The following DSCAML1 variants were observed in gnomAD, a reference collection of about 807,000 sequenced individuals.
DSCAML1 encodes the protein cell adhesion molecule DSCAML1.
A neutral mutation model predicts 200.5 loss-of-function variants in DSCAML1; 38 were observed. That is an observed-to-expected ratio of 0.19 (90% CI 0.15 to 0.25). The LOEUF (loss-of-function observed/expected upper bound fraction) is 0.25. DSCAML1 is among the 10% of genes least tolerant of loss of function. The probability of loss-of-function intolerance (pLI) is 1.00; values close to 1 mark genes in which losing one functional copy is unlikely to be tolerated. For synonymous variants in DSCAML1, 1,215 were observed against 1,165.0 expected (o/e 1.04, Z -0.87); for missense variants, 2,223 against 2,858.8 (o/e 0.78, Z 5.07).
At chr11:117,632,503 C>T (rs1479991147) in intron 3 of DSCAML1, among the ~76,000 whole-genome samples, 2 of 152,142 alleles carry the variant, frequency 1.3e-5, no homozygotes, top group Admixed American at 6.5e-5. Flanking sequence ...AGCCTGGCCC[C>T]CCGCTCATCC....
chr11:117,559,067 A>C (rs1332163200), intron 3 of DSCAML1, among the ~76,000 whole-genome samples: 1 of 152,204 alleles, frequency 6.6e-6, no homozygotes, highest in Non-Finnish European at 1.5e-5. Context: ...GAAGTTGGGA[A>C]GGACAACAGA....
At chr11:117,565,627 G>C (rs2050743125) in intron 3 of DSCAML1, among the ~76,000 whole-genome samples, 1 of 152,192 alleles carries the variant, frequency 6.6e-6, no homozygotes, top group Non-Finnish European at 1.5e-5. Context: ...CACAGAAGGG[G>C]CTCCATGTGG....
At position 117,597,207 on chromosome 11, in the gene DSCAML1, C is replaced by T. The variant is rs1161707699; in HGVS notation, c.512-64685G>A. Among the ~76,000 whole-genome samples, 4 of 152,150 alleles carry T rather than the reference C, an allele frequency of 2.6e-5. No homozygotes were observed. In the East Asian group the frequency reaches 7.7e-4, roughly 29 times the overall value. Reference sequence around the variant, plus strand: ...GTTATTATATGGAAATTAGTTTCCACACAACAGCTGACTAGAGGGGAGCAC... The same window carrying T: ...GTTATTATATGGAAATTAGTTTCCATACAACAGCTGACTAGAGGGGAGCAC... On this transcript the variant is annotated intron_variant, in intron 3 of 32. Coordinates refer to ENST00000651296, the MANE Select transcript of DSCAML1 (RefSeq NM_020693.4).
chr11:117,708,972 A>C (rs1055946770), intron 3 of DSCAML1, among the ~76,000 whole-genome samples: 1 of 152,240 alleles, frequency 6.6e-6, no homozygotes, highest in East Asian at 1.9e-4. Context: ...CCAAGTGCAC[A>C]CACTGGCTCT....
At chr11:117,667,057 C>T (rs757731562) in intron 3 of DSCAML1, among the ~76,000 whole-genome samples, 27 of 152,162 alleles carry the variant, frequency 1.8e-4, no homozygotes, top group Non-Finnish European at 3.2e-4. Flanking sequence ...GGAGCAACAC[C>T]CAGCTTTCCC....
intron 1 of DSCAML1, among the ~76,000 whole-genome samples, chr11:117,803,952 T>G (rs915035660): frequency 1.3e-5 from 2 of 152,226 alleles, no homozygotes; most frequent in African/African-American, 2.4e-5. Context: ...AACTTGGTGC[T>G]GCCGTAACGC....
intron 19 of DSCAML1, among the ~76,000 whole-genome samples, chr11:117,454,511 C>A (rs1465713631): frequency 6.6e-6 from 1 of 152,160 alleles, no homozygotes; most frequent in African/African-American, 2.4e-5. Context: ...TTGATAGTTT[C>A]CAATTCTCTG....
At chr11:117,772,269 G>A (rs1421673012) in intron 3 of DSCAML1, among the ~76,000 whole-genome samples, 1 of 152,064 alleles carries the variant, frequency 6.6e-6, no homozygotes, top group Non-Finnish European at 1.5e-5. Flanking sequence ...TGCTCTCTTG[G>A]CCAAAGGTGG....
At chr11:117,512,643 TACACAC>T (rs71037481) in intron 8 of DSCAML1, among the ~76,000 whole-genome samples, 6,645 of 125,010 alleles carry the variant, frequency 0.053, 230 homozygotes, top group South Asian at 0.097. Flanking sequence ...CAAGCGTGTG[TACACAC>T]ACACACACAC....
intron 3 of DSCAML1, among the ~76,000 whole-genome samples, chr11:117,723,933 C>G (rs1472281157): frequency 6.6e-6 from 1 of 152,218 alleles, no homozygotes; most frequent in Non-Finnish European, 1.5e-5. Flanking sequence ...GTTTTTATTA[C>G]CTTTCCTAGA....
At chr11:117,815,656 C>T (rs1262240517) in intron 1 of DSCAML1, among the ~76,000 whole-genome samples, 1 of 152,024 alleles carries the variant, frequency 6.6e-6, no homozygotes, top group Non-Finnish European at 1.5e-5. Context: ...TGAGGAACTT[C>T]GGGGTGTCAC....
intron 1 of DSCAML1, among the ~76,000 whole-genome samples, chr11:117,803,128 G>T (rs868097952): frequency 7.2e-5 from 11 of 152,078 alleles, no homozygotes; most frequent in African/African-American, 2.2e-4. Flanking sequence ...GGCCATGCAC[G>T]TACTTCCAGG....
Position 117,780,659 on chromosome 11 carries a change from G to C in DSCAML1, c.198C>G (p.Asp66Glu), listed in dbSNP as rs768988153. ...ALRWYLATGDDIYDVPHIRHV... is the reference protein window; with the variant it reads ...ALRWYLATGDEIYDVPHIRHV... Reference sequence around the variant, plus strand: ...GCCGGATGTGCGGCACGTCGTAGATGTCGTCCCCTGTGGCCAGGTACCATC... The same window carrying C: ...GCCGGATGTGCGGCACGTCGTAGATCTCGTCCCCTGTGGCCAGGTACCATC... The change falls in exon 2 of 33, where the codon GAC (aspartate) becomes GAG (glutamate). Residue 66 changes from aspartate to glutamate, a missense_variant. Around this residue, in one of 7 missense-constraint regions of DSCAML1, gnomAD observed 579 missense variants for 721.5 expected, o/e 0.80. Transcript: ENST00000651296. The surrounding 1 kb of genome is among the most constrained non-coding windows in gnomAD (Gnocchi z 4.8). The C allele has an allele frequency of 1.3e-6, 2 of 1,592,462 alleles. No individual in the cohort carries two copies. The highest frequency in any genetic ancestry group is 3.3e-4 in the Middle Eastern group (2 of 6,034).
chr11:117,817,164 G>A (rs1404785951), intron 1 of DSCAML1, among the ~76,000 whole-genome samples: 1 of 152,188 alleles, frequency 6.6e-6, no homozygotes, highest in African/African-American at 2.4e-5. Context: ...CTGTTCATGG[G>A]TGCTGTGAGG....
In DSCAML1 at chr11:117,532,404, C is replaced by G. The variant is rs2050098634; in HGVS notation, c.630G>C (p.Gln210His). 2 of 1,614,008 alleles carry G rather than the reference C, an allele frequency of 1.2e-6. No individual in the cohort carries two copies. Among genetic ancestry groups the G allele is most frequent in the Non-Finnish European group, 1.7e-6 (2 of 1,179,970 alleles). ...TCACAGAGAGGCGTGCCCCATTGCT[C>G]TGCCGGGTCTCCCCGCTATACTTGT... ...TKHKYSGETR[Q>H]SNGARLSVTD... Residue 210 changes from glutamine to histidine, a missense_variant, in exon 4 of 33, where the codon CAG (glutamine) becomes CAC (histidine). Around this residue, in one of 7 missense-constraint regions of DSCAML1, gnomAD observed 579 missense variants for 721.5 expected, o/e 0.80. Coordinates refer to ENST00000651296, the MANE Select transcript of DSCAML1 (RefSeq NM_020693.4).
At chr11:117,689,993 GCCGGAGGTGTTCTTGT>G (rs905996169) in intron 3 of DSCAML1, among the ~76,000 whole-genome samples, 3 of 152,160 alleles carry the variant, frequency 2.0e-5, no homozygotes, top group African/African-American at 7.2e-5. Context: ...CAGGCTTCTA[GCCGGAGGTGTTCTTGT>G]CCTCTCATCA....
chr11:117,675,608 C>A (rs1403640638), intron 3 of DSCAML1, among the ~76,000 whole-genome samples: 1 of 151,376 alleles, frequency 6.6e-6, no homozygotes, highest in Non-Finnish European at 1.5e-5. Context: ...ACCTGGGTCC[C>A]AGTCTACAAT....
intron 3 of DSCAML1, among the ~76,000 whole-genome samples, chr11:117,668,225 C>T (rs1165488868): frequency 6.6e-6 from 1 of 152,216 alleles, no homozygotes; most frequent in African/African-American, 2.4e-5. Flanking sequence ...TAGGAGCTTA[C>T]GATCCAGATG....
At chr11:117,795,800 G>T (rs983728822) in intron 1 of DSCAML1, among the ~76,000 whole-genome samples, 1 of 152,216 alleles carries the variant, frequency 6.6e-6, no homozygotes, top group Non-Finnish European at 1.5e-5. Context: ...AGCACCGGCA[G>T]GGCAGGGTTG....
Sources: gnomAD v4.1 joint callset for allele counts (sites outside exome capture counted in the v4.1 genomes callset) on GRCh38, gnomAD v4.1.1 for gene constraint, gnomAD v4.1.1 regional missense constraint, Gnocchi (gnomAD v3.1) non-coding constraint, MANE v1.5 for transcripts, NCBI Gene and HGNC (gene_info 2026-07-23, HGNC 2026-07-21) for gene names.